The following COL25A1 variants were observed in gnomAD, a reference collection of about 807,000 sequenced individuals.
COL25A1 encodes collagen type XXV alpha 1 chain, also known as collagen alpha-1(XXV) chain.
In COL25A1, 103 loss-of-function variants were observed where a neutral mutation model predicts 128.4. The ratio of observed to expected loss-of-function variants is 0.80; its 90% CI spans 0.68 to 0.94. COL25A1 has a LOEUF of 0.94. Ranked by LOEUF, COL25A1 falls within the 40% of genes least tolerant of loss-of-function variation. COL25A1 has a pLI of 0.00. For missense variants in COL25A1, 745 were observed against 840.0 expected (o/e 0.89, Z 1.40); for synonymous variants, 279 against 277.2 (o/e 1.01, Z -0.06).
At chr4:109,192,347 T>C (rs900759055) in intron 3 of COL25A1, among the ~76,000 whole-genome samples, 2 of 152,002 alleles carry the variant, frequency 1.3e-5, no homozygotes, top group African/African-American at 4.8e-5. Flanking sequence ...GCTGCAACAG[T>C]CTAGATAAAA....
chr4:108,818,192 C>T (rs78546217), intron 36 of COL25A1, among the ~76,000 whole-genome samples: 3,731 of 152,124 alleles, frequency 0.025, 161 homozygotes, highest in African/African-American at 0.083. Context: ...TTTCCACCAA[C>T]AAAATGATCA....
At chr4:108,920,638 T>C (rs778027425) in intron 11 of COL25A1, 34 bp from the exon 12 acceptor site, 4 of 1,566,264 alleles carry the variant, frequency 2.6e-6, no homozygotes, top group East Asian at 2.3e-5. Context: ...TAACATACTA[T>C]TGTAGCCATT....
intron 3 of COL25A1, among the ~76,000 whole-genome samples, chr4:109,120,615 C>A (rs1194544110): frequency 6.6e-6 from 1 of 151,854 alleles, no homozygotes; most frequent in Non-Finnish European, 1.5e-5. Flanking sequence ...TTGAGACCAG[C>A]CTGGGAAACA....
At chr4:108,971,981 A>G (rs562833823) in intron 8 of COL25A1, among the ~76,000 whole-genome samples, 2 of 152,304 alleles carry the variant, frequency 1.3e-5, no homozygotes, top group Admixed American at 6.5e-5. Flanking sequence ...ATAGTCTCAC[A>G]TTCTTAATTT....
intron 3 of COL25A1, among the ~76,000 whole-genome samples, chr4:109,234,122 C>T (rs562373483): frequency 6.6e-6 from 1 of 152,178 alleles, no homozygotes; most frequent in South Asian, 2.1e-4. Context: ...GGGTAGAAGC[C>T]TATGTGAACA....
intron 3 of COL25A1, among the ~76,000 whole-genome samples, chr4:109,127,733 A>T (rs755681546): frequency 6.2e-4 from 95 of 152,308 alleles, no homozygotes; most frequent in South Asian, 4.1e-4. Context: ...GTTGGTACTT[A>T]GTAGGCCGTA....
intron 8 of COL25A1, among the ~76,000 whole-genome samples, chr4:108,970,287 T>C (rs1181735317): frequency 1.3e-5 from 2 of 152,202 alleles, no homozygotes; most frequent in Admixed American, 6.6e-5. Context: ...AAATTCTCAA[T>C]GGCTCTCTAA....
chr4:109,049,478 T>C (rs1436034904), intron 4 of COL25A1, among the ~76,000 whole-genome samples: 1 of 152,194 alleles, frequency 6.6e-6, no homozygotes, highest in Non-Finnish European at 1.5e-5. Flanking sequence ...TGTCCTGAAG[T>C]AGGAATCAGG....
intron 6 of COL25A1, among the ~76,000 whole-genome samples, chr4:108,994,270 A>T (rs1754522477): frequency 6.6e-6 from 1 of 152,200 alleles, no homozygotes; most frequent in Admixed American, 6.5e-5. Flanking sequence ...TACTTTTCCC[A>T]CAGTCTTAAC....
At chr4:109,197,068 A>G (rs1776101667) in intron 3 of COL25A1, among the ~76,000 whole-genome samples, 2 of 151,846 alleles carry the variant, frequency 1.3e-5, no homozygotes, top group South Asian at 4.2e-4. Context: ...CTGTAATCCC[A>G]GCATTTTGGG....
At chr4:108,885,894 T>C (rs1476034295) in intron 18 of COL25A1, among the ~76,000 whole-genome samples, 6 of 152,214 alleles carry the variant, frequency 3.9e-5, no homozygotes, top group Non-Finnish European at 8.8e-5. Context: ...TCTCGTCACC[T>C]CTTTTCCTCC....
chr4:109,050,221 T>C, intron 3 of COL25A1, 42 bp from the exon 4 acceptor site: 1 of 1,512,170 alleles, frequency 6.6e-7, no homozygotes, highest in Non-Finnish European at 9.1e-7. Flanking sequence ...GTTTAATTCT[T>C]TTTCCTGGTT....
At chr4:109,171,318 A>G (rs893356240) in intron 3 of COL25A1, among the ~76,000 whole-genome samples, 1 of 152,144 alleles carries the variant, frequency 6.6e-6, no homozygotes, top group Non-Finnish European at 1.5e-5. Context: ...TCACCTCCCC[A>G]TATTTCCAAA....
chr4:108,857,594 T>C (rs1337250430), intron 24 of COL25A1, among the ~76,000 whole-genome samples: 1 of 151,760 alleles, frequency 6.6e-6, no homozygotes, highest in African/African-American at 2.4e-5. Context: ...CTTAGTGCTC[T>C]ACTAGTTAAA....
At chr4:109,142,089 C>G (rs1033475921) in intron 3 of COL25A1, among the ~76,000 whole-genome samples, 1 of 152,218 alleles carries the variant, frequency 6.6e-6, no homozygotes. Context: ...CCTCTAAACA[C>G]TGCTTTAGCT....
At chr4:108,871,355 G>A (rs1352743369) in intron 19 of COL25A1, among the ~76,000 whole-genome samples, 2 of 152,034 alleles carry the variant, frequency 1.3e-5, no homozygotes, top group Admixed American at 1.3e-4. Flanking sequence ...AGTCTCAGTC[G>A]CCCAGGCTGG....
intron 6 of COL25A1, among the ~76,000 whole-genome samples, chr4:108,978,493 A>G (rs907121930): frequency 6.6e-6 from 1 of 152,252 alleles, no homozygotes. Flanking sequence ...CAAATGAAAG[A>G]AAGGTTTATT....
intron 3 of COL25A1, among the ~76,000 whole-genome samples, chr4:109,065,727 T>C (rs950989468): frequency 6.6e-6 from 1 of 152,166 alleles, no homozygotes; most frequent in Non-Finnish European, 1.5e-5. Flanking sequence ...AACAACTCTA[T>C]TTTTATTTAA....
chr4:109,181,481 T>C (rs1774622687), intron 3 of COL25A1, among the ~76,000 whole-genome samples: 3 of 152,140 alleles, frequency 2.0e-5, no homozygotes, highest in South Asian at 4.1e-4. Flanking sequence ...ATTATATGGT[T>C]ATATATATTT....
Sources: allele counts gnomAD v4.1 joint callset (sites outside exome capture counted in the v4.1 genomes callset), GRCh38; gene constraint gnomAD v4.1.1; transcripts MANE v1.5; gene names NCBI Gene and HGNC (gene_info 2026-07-23, HGNC 2026-07-21).